Variants in DOCK1 observed in about 807,000 individuals in gnomAD.
DOCK1 encodes dedicator of cytokinesis 1, also known as dedicator of cytokinesis protein 1.
DOCK1 carries 138 observed loss-of-function variants against 262.7 expected under a neutral mutation model. The ratio of observed to expected loss-of-function variants is 0.53; its 90% CI spans 0.46 to 0.61. The LOEUF (loss-of-function observed/expected upper bound fraction) is 0.61, where lower values mean the gene tolerates loss of function less well. DOCK1 is among the 20% of genes least tolerant of loss of function. DOCK1 has a pLI of 0.00. For synonymous variants in DOCK1, 866 were observed against 867.4 expected, an observed-to-expected ratio of 1.00 and a Z score of 0.03; for missense variants, 1,908 against 2,370.7, an observed-to-expected ratio of 0.80 and a Z score of 4.05.
intron 29 of DOCK1, among the ~76,000 whole-genome samples, chr10:127,270,785 G>T (rs1318446508): frequency 6.6e-6 from 1 of 152,090 alleles, no homozygotes; most frequent in South Asian, 2.1e-4. Context: ...CAGTGTTCAT[G>T]TTGCTATGCA....
At chr10:126,991,027 G>A (rs1191087556) in intron 6 of DOCK1, among the ~76,000 whole-genome samples, 2 of 152,226 alleles carry the variant, frequency 1.3e-5, no homozygotes, top group African/African-American at 4.8e-5. Context: ...TTAGATCACT[G>A]GAAAGTTTGT....
Position 127,161,105 on chromosome 10 carries a change from A to G in DOCK1, c.2847+33341A>G, listed in dbSNP as rs543087152. On this transcript the variant is annotated intron_variant, in intron 27 of 51. Coordinates refer to ENST00000623213, the MANE Select transcript of DOCK1 (RefSeq NM_001290223.2). ...GTAGATTTGGCTTGTTTCTGAATCT[A>G]AGGTCTCACCAGGAGTTTGCCAGAT... 2.6e-5 allele frequency among the ~76,000 whole-genome samples: 4 copies of G among 152,322 alleles called. No individual in the cohort carries two copies. The South Asian group carries it at 8.3e-4, about 32-fold the overall frequency.
chr10:127,093,227 CTTTCTTTCTTTCTTCTTT>C (rs1564797636), intron 23 of DOCK1, among the ~76,000 whole-genome samples: 2 of 67,830 alleles, frequency 2.9e-5, no homozygotes, highest in Non-Finnish European at 6.4e-5. Context: ...TCTTTTCTTT[CTTTCTTTCTTTCTTCTTT>C]TTTTTTTTTT....
intron 23 of DOCK1, among the ~76,000 whole-genome samples, chr10:127,105,965 A>G (rs539270861): frequency 1.3e-5 from 2 of 152,036 alleles, no homozygotes; most frequent in African/African-American, 2.4e-5. Flanking sequence ...GAATTTCGCC[A>G]TGTTACCCAG....
At chr10:127,397,693 A>T (rs2066981057) in intron 38 of DOCK1, among the ~76,000 whole-genome samples, 1 of 150,476 alleles carries the variant, frequency 6.6e-6, no homozygotes, top group Admixed American at 6.6e-5. Flanking sequence ...CACAGGTAGT[A>T]GCTCCTCTAT....
chr10:127,214,945 T>C (rs902972924), intron 27 of DOCK1, among the ~76,000 whole-genome samples: 4 of 152,192 alleles, frequency 2.6e-5, no homozygotes, highest in African/African-American at 4.8e-5. Flanking sequence ...AGTGAGAATC[T>C]AAGTATCCAG....
At chr10:127,023,438 C>T in intron 14 of DOCK1, 114 bp downstream of exon 14, 5 of 1,399,272 alleles carry the variant, frequency 3.6e-6, no homozygotes, top group Non-Finnish European at 4.8e-6. Flanking sequence ...AGTCCCGTTT[C>T]TTGGGATTGG....
At chr10:127,011,244 C>T (rs183623892) in intron 11 of DOCK1, among the ~76,000 whole-genome samples, 1 of 152,228 alleles carries the variant, frequency 6.6e-6, no homozygotes, top group African/African-American at 2.4e-5. Flanking sequence ...GCAGTGAAAC[C>T]AGTTCTTTGG....
intron 28 of DOCK1, among the ~76,000 whole-genome samples, chr10:127,248,785 A>G (rs1027818970): frequency 2.6e-5 from 4 of 152,200 alleles, no homozygotes; most frequent in Non-Finnish European, 5.9e-5. Context: ...AAGGTCCTGT[A>G]GAACAGGGTC....
At chr10:127,358,912 G>A (rs1590672163) in intron 32 of DOCK1, among the ~76,000 whole-genome samples, 1 of 152,158 alleles carries the variant, frequency 6.6e-6, no homozygotes, top group South Asian at 2.1e-4. Flanking sequence ...TTGTTCCCAG[G>A]GGAAAGAGCT....
intron 6 of DOCK1, among the ~76,000 whole-genome samples, chr10:126,992,115 A>G (rs542249372): frequency 1.3e-5 from 2 of 152,282 alleles, no homozygotes; most frequent in South Asian, 4.1e-4. Flanking sequence ...GAAATGCTGT[A>G]GGAGAGATTT....
At chr10:127,400,400 C>A (rs939572189) in intron 38 of DOCK1, among the ~76,000 whole-genome samples, 7 of 152,194 alleles carry the variant, frequency 4.6e-5, no homozygotes, top group Non-Finnish European at 7.3e-5. Context: ...CAGTCTGCCT[C>A]CCCTGTGGGA....
intron 38 of DOCK1, among the ~76,000 whole-genome samples, chr10:127,395,020 G>A (rs1031028787): frequency 6.6e-6 from 1 of 152,190 alleles, no homozygotes; most frequent in Admixed American, 6.5e-5. Context: ...GTAAAATTAA[G>A]TTTGCCAGAT....
intron 21 of DOCK1, among the ~76,000 whole-genome samples, chr10:127,048,955 G>A (rs1053370122): frequency 1.3e-5 from 2 of 152,156 alleles, no homozygotes; most frequent in Non-Finnish European, 2.9e-5. Context: ...AGGAACAAAC[G>A]TGGCTGTCTC....
At chr10:126,975,173 T>C (rs2038423217) in intron 2 of DOCK1, among the ~76,000 whole-genome samples, 1 of 152,204 alleles carries the variant, frequency 6.6e-6, no homozygotes, top group African/African-American at 2.4e-5. Context: ...CTGTGTTCTC[T>C]GTGTCCCTTT....
chr10:127,132,567 A>AT (rs1302503769), intron 27 of DOCK1, among the ~76,000 whole-genome samples: 3 of 152,074 alleles, frequency 2.0e-5, no homozygotes, highest in Admixed American at 2.0e-4. Context: ...ATTAAGCAGC[A>AT]TTTTTCCTCA....
chr10:127,003,508 C>T (rs2040755990), intron 10 of DOCK1, among the ~76,000 whole-genome samples: 1 of 152,194 alleles, frequency 6.6e-6, no homozygotes, highest in South Asian at 2.1e-4. Context: ...AGTTGCCTAG[C>T]AGTTGCTGGT....
chr10:127,145,041 A>G (rs1241558893), intron 27 of DOCK1, among the ~76,000 whole-genome samples: 1 of 152,166 alleles, frequency 6.6e-6, no homozygotes, highest in African/African-American at 2.4e-5. Context: ...GAGCTTTCCA[A>G]ATGCATCTTG....
intron 1 of DOCK1, among the ~76,000 whole-genome samples, chr10:126,950,945 G>T (rs1021559192): frequency 6.6e-6 from 1 of 152,098 alleles, no homozygotes; most frequent in Non-Finnish European, 1.5e-5. Flanking sequence ...GCTGTTGGCG[G>T]TGATGGTGGT....
Sources: allele counts gnomAD v4.1 joint callset (sites outside exome capture counted in the v4.1 genomes callset), GRCh38; gene constraint gnomAD v4.1.1; transcripts MANE v1.5; gene names NCBI Gene and HGNC (gene_info 2026-07-23, HGNC 2026-07-21).